PDGFRL: variants seen among roughly 807,000 people sequenced by gnomAD.
The protein encoded by PDGFRL is platelet derived growth factor receptor like, also known as platelet-derived growth factor receptor-like protein.
A neutral mutation model predicts 37.2 loss-of-function variants in PDGFRL; 46 were observed. The ratio of observed to expected loss-of-function variants is 1.24; its 90% CI spans 0.98 to 1.58. The LOEUF is 1.58. Among genes scored for constraint, PDGFRL ranks in the 40% most tolerant of loss-of-function variants. PDGFRL has a pLI of 0.00. For missense variants in PDGFRL, 692 were observed against 467.6 expected, an observed-to-expected ratio of 1.48 and a Z score of -4.43; for synonymous variants, 251 against 184.3, an observed-to-expected ratio of 1.36 and a Z score of -2.93.
chr8:17,593,199 G>C (rs954135287), intron 2 of PDGFRL, among the ~76,000 whole-genome samples: 26 of 151,994 alleles, frequency 1.7e-4, no homozygotes, highest in Non-Finnish European at 3.4e-4. Context: ...GTGCGTAAGG[G>C]GGAACGTATG....
chr8:17,602,226 T>C (rs1165004669), intron 2 of PDGFRL, among the ~76,000 whole-genome samples: 2 of 152,212 alleles, frequency 1.3e-5, no homozygotes, highest in Non-Finnish European at 1.5e-5. Flanking sequence ...GTTGGGCATA[T>C]TGGCCATGTG....
At chr8:17,578,928 A>T (rs1190550990) in intron 1 of PDGFRL, among the ~76,000 whole-genome samples, 1 of 152,240 alleles carries the variant, frequency 6.6e-6, no homozygotes, top group Non-Finnish European at 1.5e-5. Context: ...GGCCGGGCAC[A>T]GTGGCTCATG....
chr8:17,622,047 C>A (rs1804646646), intron 3 of PDGFRL, among the ~76,000 whole-genome samples: 1 of 152,176 alleles, frequency 6.6e-6, no homozygotes, highest in South Asian at 2.1e-4. Context: ...GTTGTGTCTC[C>A]AGTCCCTGTC....
chr8:17,589,736 T>C lies in PDGFRL; in HGVS notation c.324T>C (p.Tyr108=), dbSNP rs143602536. Reference sequence around the variant, plus strand: ...GAATTGGGTGGAGCTACCCTGCGTATCTGGACACCTTTAAGGATTCTCGCC... The same window carrying C: ...GAATTGGGTGGAGCTACCCTGCGTACCTGGACACCTTTAAGGATTCTCGCC... ...GSRIGWSYPA[Y]LDTFKDSRLS... is the part of the protein sequence containing the mutation. Residue 108 remains tyrosine, a synonymous_variant, in exon 2 of 6, where the codon TAT becomes TAC. Coordinates refer to ENST00000251630, the MANE Select transcript of PDGFRL (RefSeq NM_001372073.1). 3.7e-5 allele frequency: 60 copies of C among 1,611,940 alleles called. No individual in the cohort carries two copies. Among genetic ancestry groups the C allele is most frequent in the Middle Eastern group, 1.6e-4 (1 of 6,078 alleles).
chr8:17,631,065 TC>T (rs1804851668), intron 4 of PDGFRL, among the ~76,000 whole-genome samples: 1 of 152,020 alleles, frequency 6.6e-6, no homozygotes, highest in African/African-American at 2.4e-5. Flanking sequence ...CACCCTGCCA[TC>T]TTGTCCAGAG....
At position 17,642,829 on chromosome 8, in the gene PDGFRL, T is replaced by A; in HGVS notation, c.*28T>A. 6.8e-7 allele frequency: 1 copy of A among 1,459,952 alleles called. No homozygotes were observed. Among genetic ancestry groups the A allele is most frequent in the Non-Finnish European group, 9.6e-7 (1 of 1,042,878 alleles). The allele number at this position is 1,459,952 out of a possible 1,614,324, so 90.4% of individuals were successfully genotyped here. ...TGGAAAAGGAAATGTAATGAACTTATGGAAAGCCCATTTGTGTACACAGTC... is the reference window on the plus strand; with the variant it reads ...TGGAAAAGGAAATGTAATGAACTTAAGGAAAGCCCATTTGTGTACACAGTC... On this transcript the variant is annotated 3_prime_UTR_variant, in exon 6 of 6. Transcript: ENST00000251630.
At position 17,589,676 on chromosome 8, in the gene PDGFRL, G is replaced by C. The variant is rs781186056; in HGVS notation, c.264G>C (p.Ala88=). Residue 88 remains alanine (A), a synonymous_variant, in exon 2 of 6, where the codon GCG becomes GCC. Transcript: ENST00000251630. ...QKPAATLSLL[A]GQTVELRCKG... ...CCGCCGCTACCCTGAGTCTGCTGGC[G>C]GGGCAAACTGTAGAGCTTCGATGTA... The C allele has an allele frequency of 4.3e-6, 7 of 1,613,262 alleles. No individual in the cohort carries two copies. The African/African-American group carries it at 9.3e-5, about 22-fold the overall frequency.
intron 3 of PDGFRL, among the ~76,000 whole-genome samples, 155 bp downstream of exon 3, chr8:17,621,357 A>C (rs748883286): frequency 6.6e-6 from 1 of 151,614 alleles, no homozygotes; most frequent in Non-Finnish European, 1.5e-5. Context: ...CAGTTATTTC[A>C]TGTAAGTCTT....
intron 5 of PDGFRL, among the ~76,000 whole-genome samples, chr8:17,634,687 A>G (rs1378898047): frequency 6.6e-6 from 1 of 152,192 alleles, no homozygotes; most frequent in Non-Finnish European, 1.5e-5. Flanking sequence ...ATGGAGCTGG[A>G]GGCCATTATC....
At chr8:17,638,400 TGA>T (rs1805016573) in intron 5 of PDGFRL, among the ~76,000 whole-genome samples, 1 of 152,130 alleles carries the variant, frequency 6.6e-6, no homozygotes, top group Admixed American at 6.5e-5. Context: ...CACCGTGGTC[TGA>T]GAGAGTACTT....
intron 2 of PDGFRL, among the ~76,000 whole-genome samples, chr8:17,606,369 A>C (rs760410607): frequency 9.9e-5 from 15 of 152,156 alleles, no homozygotes. Context: ...ACAAATGAAG[A>C]TGAGGAGGCT....
At chr8:17,584,914 A>G (rs1464818872) in intron 1 of PDGFRL, among the ~76,000 whole-genome samples, 2 of 152,152 alleles carry the variant, frequency 1.3e-5, no homozygotes, top group African/African-American at 4.8e-5. Context: ...GAGCAGCGGC[A>G]TGGACTGCTC....
intron 2 of PDGFRL, among the ~76,000 whole-genome samples, chr8:17,608,874 T>C (rs1282923193): frequency 6.6e-6 from 1 of 152,094 alleles, no homozygotes. Flanking sequence ...AGTGATGACC[T>C]GATTGTTGGA....
intron 2 of PDGFRL, among the ~76,000 whole-genome samples, chr8:17,602,671 G>A (rs559177215): frequency 2.0e-5 from 3 of 152,260 alleles, no homozygotes; most frequent in South Asian, 4.1e-4. Context: ...CTGATACTGG[G>A]CTATTTGGAA....
chr8:17,628,157 C>G (rs1454823435), intron 3 of PDGFRL, among the ~76,000 whole-genome samples: 1 of 140,658 alleles, frequency 7.1e-6, no homozygotes, highest in African/African-American at 2.6e-5. Flanking sequence ...CCATGCCCGG[C>G]TCATTTTTTG....
intron 2 of PDGFRL, among the ~76,000 whole-genome samples, chr8:17,604,515 C>G (rs557919124): frequency 6.6e-6 from 1 of 151,688 alleles, no homozygotes; most frequent in African/African-American, 2.4e-5. Flanking sequence ...TGTTCTCACT[C>G]ATAGGTAGGA....
At chr8:17,611,484 C>T (rs994488095) in intron 2 of PDGFRL, among the ~76,000 whole-genome samples, 3 of 152,154 alleles carry the variant, frequency 2.0e-5, no homozygotes, top group East Asian at 1.9e-4. Flanking sequence ...TGGACATGGT[C>T]GGCCTCCTTG....
chr8:17,592,669 G>A (rs1437384372), intron 2 of PDGFRL, among the ~76,000 whole-genome samples: 1 of 152,144 alleles, frequency 6.6e-6, no homozygotes, highest in African/African-American at 2.4e-5. Context: ...GGGCCCCTCA[G>A]TACCGGGCTA....
chr8:17,606,309 T>A (rs1044977336), intron 2 of PDGFRL, among the ~76,000 whole-genome samples: 1 of 152,232 alleles, frequency 6.6e-6, no homozygotes. Flanking sequence ...GTCTTTTGTA[T>A]GCGAACTCAC....
Sources: allele counts gnomAD v4.1 joint callset (sites outside exome capture counted in the v4.1 genomes callset), GRCh38; gene constraint gnomAD v4.1.1; transcripts MANE v1.5; gene names NCBI Gene and HGNC (gene_info 2026-07-23, HGNC 2026-07-21).